TTC28: variants seen among roughly 807,000 people sequenced by gnomAD.
TTC28 encodes tetratricopeptide repeat domain 28.
TTC28 carries 61 observed loss-of-function variants against 198.0 expected under a neutral mutation model. That is an observed-to-expected ratio of 0.31 (90% confidence interval 0.25 to 0.38). TTC28 has a LOEUF of 0.38. TTC28 is among the 10% of genes least tolerant of loss of function. TTC28 has a pLI of 1.00. For missense variants in TTC28, 2,678 were observed against 3,164.0 expected, an observed-to-expected ratio of 0.85 and a Z score of 3.69; for synonymous variants, 1,171 against 1,297.8, an observed-to-expected ratio of 0.90 and a Z score of 2.10.
At chr22:28,327,407 C>T (rs1415831209) in intron 2 of TTC28, among the ~76,000 whole-genome samples, 1 of 152,114 alleles carries the variant, frequency 6.6e-6, no homozygotes, top group Non-Finnish European at 1.5e-5. Context: ...AGAGAAAATA[C>T]TAGTTTGGTA....
chr22:28,178,626 T>C (rs1490025300), intron 5 of TTC28, among the ~76,000 whole-genome samples: 1 of 152,162 alleles, frequency 6.6e-6, no homozygotes, highest in East Asian at 1.9e-4. Flanking sequence ...AGAAGGCATT[T>C]ATACCTGGGA....
At chr22:28,349,506 A>G (rs2045960710) in intron 2 of TTC28, among the ~76,000 whole-genome samples, 1 of 152,188 alleles carries the variant, frequency 6.6e-6, no homozygotes, top group Non-Finnish European at 1.5e-5. Flanking sequence ...CAGAGAAAGC[A>G]AAGAGCAAAC....
chr22:28,669,226 G>A lies in TTC28; in HGVS notation c.102+10396C>T, dbSNP rs113560091. On this transcript the variant is annotated intron_variant, in intron 1 of 22. Transcript: ENST00000397906. ...TAGATGACACATTAGTGGGTGCAGC[G>A]CACCAGCATGGCACATGTATACATA... Among the ~76,000 whole-genome samples the A allele has an allele frequency of 5.8e-5, 8 of 138,872 alleles. No individual in the cohort carries two copies. The South Asian group carries it at 1.2e-3, about 22-fold the overall frequency. The allele number at this position is 138,872 out of a possible 152,430, so 91.1% of individuals were successfully genotyped here. A position where few individuals can be genotyped will look rare whatever the true frequency, so the allele number is the denominator to read the frequency against.
At chr22:28,332,861 C>A (rs2045638796) in intron 2 of TTC28, among the ~76,000 whole-genome samples, 3 of 152,016 alleles carry the variant, frequency 2.0e-5, no homozygotes, top group African/African-American at 7.2e-5. Context: ...AAGCTCTGAA[C>A]CTTAACAGGC....
chr22:28,305,912 C>A (rs1393830355), intron 3 of TTC28, among the ~76,000 whole-genome samples: 2 of 152,084 alleles, frequency 1.3e-5, no homozygotes. Context: ...TACCAACCAG[C>A]GTAAAGTAGA....
At chr22:28,144,903 C>T (rs532294094) in intron 6 of TTC28, among the ~76,000 whole-genome samples, 1 of 152,312 alleles carries the variant, frequency 6.6e-6, no homozygotes, top group South Asian at 2.1e-4. Flanking sequence ...TTTGAAAAAG[C>T]TTCTTAAAGG....
intron 2 of TTC28, among the ~76,000 whole-genome samples, chr22:28,505,336 G>A (rs2048596475): frequency 6.6e-6 from 1 of 151,834 alleles, no homozygotes; most frequent in African/African-American, 2.4e-5. Flanking sequence ...GCTGCGCTCT[G>A]CGGCACTCCG....
At chr22:28,594,895 A>G (rs1377499074) in intron 2 of TTC28, among the ~76,000 whole-genome samples, 1 of 152,160 alleles carries the variant, frequency 6.6e-6, no homozygotes, top group Non-Finnish European at 1.5e-5. Context: ...TAAGCACACA[A>G]TCTTCTTGGT....
At chr22:28,274,976 T>TAAAAAA (rs34582010) in intron 5 of TTC28, among the ~76,000 whole-genome samples, 7 of 77,880 alleles carry the variant, frequency 9.0e-5, no homozygotes, top group Admixed American at 1.8e-4. Flanking sequence ...GAGACTGTCT[T>TAAAAAA]AAAAAAAAAA....
At chr22:28,261,346 G>A (rs189390236) in intron 5 of TTC28, among the ~76,000 whole-genome samples, 2 of 152,140 alleles carry the variant, frequency 1.3e-5, no homozygotes, top group South Asian at 2.1e-4. Flanking sequence ...TGCAGGAATC[G>A]GGAAAATATC....
At chr22:28,010,799 A>G (rs1419058687) in intron 14 of TTC28, among the ~76,000 whole-genome samples, 3 of 152,188 alleles carry the variant, frequency 2.0e-5, no homozygotes, top group Non-Finnish European at 2.9e-5. Context: ...AAGAGCGGCC[A>G]TGAAAAGCCT....
At chr22:28,138,819 G>T (rs542071445) in intron 6 of TTC28, among the ~76,000 whole-genome samples, 9 of 152,282 alleles carry the variant, frequency 5.9e-5, no homozygotes, top group African/African-American at 2.2e-4. Flanking sequence ...AAGATCTGAG[G>T]TGGCTTCTAT....
At chr22:28,026,917 A>AT (rs1938857270) in intron 13 of TTC28, among the ~76,000 whole-genome samples, 1 of 152,188 alleles carries the variant, frequency 6.6e-6, no homozygotes. Context: ...CTTCTCTGGG[A>AT]TACTGGCCCT....
intron 1 of TTC28, among the ~76,000 whole-genome samples, chr22:28,662,916 CTG>C: frequency 1.3e-5 from 2 of 152,242 alleles, no homozygotes; most frequent in Middle Eastern, 6.8e-3. Flanking sequence ...ACAGAAGCAA[CTG>C]TGCAGTATCA....
intron 6 of TTC28, among the ~76,000 whole-genome samples, chr22:28,160,130 A>ATTTG (rs1921003543): frequency 6.6e-6 from 1 of 152,216 alleles, no homozygotes; most frequent in Non-Finnish European, 1.5e-5. Flanking sequence ...AAGGATGAAG[A>ATTTG]AGACCTACTA....
Position 28,428,607 on chromosome 22 carries a change from A to ATTATTTTATTTTATTTTATT in TTC28, c.382-121984_382-121965dup, listed in dbSNP as rs202173981. 8.4e-4 allele frequency among the ~76,000 whole-genome samples: 120 copies of ATTATTTTATTTTATTTTATT among 142,220 alleles called. 3 individuals carry two copies. Among genetic ancestry groups the ATTATTTTATTTTATTTTATT allele is most frequent in the South Asian group, 7.7e-3 (33 of 4,290 alleles). The allele number at this position is 142,220 out of a possible 152,430, so 93.3% of individuals were successfully genotyped here. ...CCCAAGTTCTAACATTTCATGAATT[A>ATTATTTTATTTTATTTTATT]TTATTTTATTTTATTTTATTTTATT... On this transcript the variant is annotated intron_variant, in intron 2 of 22. Transcript: ENST00000397906.
In TTC28 at chr22:28,634,592, C is replaced by CT. The variant is rs1188701528; in HGVS notation, c.103-4763dup. On this transcript the variant is annotated intron_variant, in intron 1 of 22. Transcript: ENST00000397906. Reference sequence around the variant, plus strand: ...CTTCCCAAGTCCTTTTCTTTTTTTTCTTTTTTTTTTTGAGATGGAGTCTCA... The same window carrying CT: ...CTTCCCAAGTCCTTTTCTTTTTTTTCTTTTTTTTTTTTGAGATGGAGTCTCA... Among the ~76,000 whole-genome samples, 359 of 128,460 alleles carry CT rather than the reference C, an allele frequency of 2.8e-3. 2 individuals are homozygous for CT. The highest frequency in any genetic ancestry group is 0.023 in the Middle Eastern group (6 of 264). The allele number at this position is 128,460 out of a possible 152,430, so 84.3% of individuals were successfully genotyped here. A position where few individuals can be genotyped will look rare whatever the true frequency, so the allele number is the denominator to read the frequency against.
At chr22:28,518,518 A>AATC (rs1191771263) in intron 2 of TTC28, among the ~76,000 whole-genome samples, 3 of 152,288 alleles carry the variant, frequency 2.0e-5, no homozygotes, top group Admixed American at 6.5e-5. Context: ...CAGGAAGCTG[A>AATC]AGCAGGAGGA....
At chr22:28,662,226 C>T (rs1253468542) in intron 1 of TTC28, among the ~76,000 whole-genome samples, 2 of 152,114 alleles carry the variant, frequency 1.3e-5, no homozygotes, top group African/African-American at 4.8e-5. Context: ...ACAATAAAAA[C>T]TAGGTTTTAA....
Sources: allele counts gnomAD v4.1 joint callset (sites outside exome capture counted in the v4.1 genomes callset), GRCh38; gene constraint gnomAD v4.1.1; transcripts MANE v1.5; gene names NCBI Gene and HGNC (gene_info 2026-07-23, HGNC 2026-07-21).